The following NUP35 variants were observed in gnomAD, a reference collection of about 807,000 sequenced individuals.
The protein encoded by NUP35 is nucleoporin 35, also known as nucleoporin NUP35.
Under a neutral mutation model 41.5 loss-of-function variants are expected in NUP35, and 25 were observed. That is an observed-to-expected ratio of 0.60 (90% confidence interval 0.44 to 0.84). The LOEUF (loss-of-function observed/expected upper bound fraction) is 0.84. Ranked by LOEUF, NUP35 falls within the 40% of genes least tolerant of loss-of-function variation. The pLI is 0.00. For missense variants in NUP35, 396 were observed against 396.6 expected, an observed-to-expected ratio of 1.00 and a Z score of 0.01; for synonymous variants, 149 against 130.7, an observed-to-expected ratio of 1.14 and a Z score of -0.96.
chr2:183,119,885 C>T (rs989346856), upstream of NUP35: 1 of 152,102 alleles, frequency 6.6e-6, no homozygotes, highest in African/African-American at 2.4e-5. Flanking sequence ...TCAGTTACCC[C>T]AGGGTGAAAG....
At chr2:183,145,345 A>G (rs1252944977) in intron 4 of NUP35, among the ~76,000 whole-genome samples, 2 of 152,240 alleles carry the variant, frequency 1.3e-5, no homozygotes, top group African/African-American at 2.4e-5. Context: ...TTTGCATTAT[A>G]CTTATCAGTT....
At chr2:183,138,467 C>T (rs1684971883) in intron 4 of NUP35, among the ~76,000 whole-genome samples, 1 of 151,534 alleles carries the variant, frequency 6.6e-6, no homozygotes, top group South Asian at 2.1e-4. Context: ...TGTAAACATT[C>T]TGTAACTGAT....
At chr2:183,123,273 G>A (rs1229267396), upstream of NUP35, among the ~76,000 whole-genome samples, 4 of 152,256 alleles carry the variant, frequency 2.6e-5, no homozygotes, top group East Asian at 1.9e-4. Flanking sequence ...TTAGTTAACC[G>A]AGCTTGTGGT....
At chr2:183,138,267 A>ATTTTT (rs1314190972) in intron 4 of NUP35, among the ~76,000 whole-genome samples, 1,333 of 73,832 alleles carry the variant, frequency 0.018, 9 homozygotes, top group Non-Finnish European at 0.025. Flanking sequence ...ATATATATAT[A>ATTTTT]TATTTTTTTT....
chr2:183,161,175 AG>A lies in NUP35; in HGVS notation c.*45del, dbSNP rs1332430349. The A allele has an allele frequency of 7.0e-7, 1 of 1,436,274 alleles. No individual in the cohort carries two copies. The highest frequency in any genetic ancestry group is 9.8e-7 in the Non-Finnish European group (1 of 1,022,452). The allele number at this position is 1,436,274 out of a possible 1,614,324, so 89.0% of individuals were successfully genotyped here. On this transcript the variant is annotated 3_prime_UTR_variant, in exon 9 of 9. Coordinates refer to ENST00000295119, the MANE Select transcript of NUP35 (RefSeq NM_138285.5). ...GTTGCTACACTAAAACAGAGTTAGC[AG>A]AGTGCTGCTGGTTCCTTCGGTTAGT...
chr2:183,123,870 G>A, upstream of NUP35: 2 of 938,010 alleles, frequency 2.1e-6, no homozygotes, highest in Non-Finnish European at 2.5e-6. Flanking sequence ...TACTTTATGC[G>A]TTCGTTAGCT....
intron 4 of NUP35, among the ~76,000 whole-genome samples, chr2:183,149,674 T>A (rs565286016): frequency 3.9e-5 from 6 of 152,158 alleles, no homozygotes; most frequent in African/African-American, 1.4e-4. Flanking sequence ...CAGACCACAC[T>A]TGTAGTACTG....
intron 4 of NUP35, among the ~76,000 whole-genome samples, chr2:183,150,644 A>G (rs919879041): frequency 2.6e-5 from 4 of 152,096 alleles, no homozygotes; most frequent in African/African-American, 9.7e-5. Context: ...TTTGTAGCAC[A>G]TTAAGTATTT....
chr2:183,146,110 C>T (rs1685267510), intron 4 of NUP35, among the ~76,000 whole-genome samples: 1 of 152,130 alleles, frequency 6.6e-6, no homozygotes, highest in South Asian at 2.1e-4. Flanking sequence ...GTGGCACACA[C>T]CTGTAATCCC....
At chr2:183,155,579 CTT>C (rs11393018) in intron 5 of NUP35, among the ~76,000 whole-genome samples, 3 of 139,796 alleles carry the variant, frequency 2.1e-5, no homozygotes, top group Non-Finnish European at 4.6e-5. Context: ...CATAAAATGG[CTT>C]TTTTTTTTTT....
intron 3 of NUP35, among the ~76,000 whole-genome samples, chr2:183,132,424 G>C (rs1387722275): frequency 6.6e-6 from 1 of 151,844 alleles, no homozygotes; most frequent in Non-Finnish European, 1.5e-5. Context: ...TAGATGTGGT[G>C]GTGTGTACCT....
intron 5 of NUP35, among the ~76,000 whole-genome samples, chr2:183,154,033 C>T (rs541607195): frequency 6.6e-6 from 1 of 152,020 alleles, no homozygotes; most frequent in South Asian, 2.1e-4. Flanking sequence ...TTGGGGCTTC[C>T]ACTCTCTGAA....
At chr2:183,118,943 A>G (rs1248633230) in intron 1 of NUP35, 1 of 152,136 alleles carries the variant, frequency 6.6e-6, no homozygotes, top group Admixed American at 6.6e-5. Context: ...TTTGGAGGTA[A>G]GCATGCGCAA....
At chr2:183,124,881 T>A (rs1360762860) in intron 1 of NUP35, among the ~76,000 whole-genome samples, 2 of 152,226 alleles carry the variant, frequency 1.3e-5, no homozygotes, top group Non-Finnish European at 2.9e-5. Flanking sequence ...TGGGAGGAAC[T>A]GACCGCGGTA....
chr2:183,131,915 A>G (rs2105551407), intron 3 of NUP35, among the ~76,000 whole-genome samples: 1 of 152,286 alleles, frequency 6.6e-6, no homozygotes. Context: ...TGATAAGTAA[A>G]GCTTATGATT....
intron 4 of NUP35, among the ~76,000 whole-genome samples, chr2:183,146,267 T>C (rs1685274270): frequency 6.6e-6 from 1 of 152,208 alleles, no homozygotes; most frequent in African/African-American, 2.4e-5. Context: ...ATCTTACTTC[T>C]TTAGGGTTGC....
intron 5 of NUP35, 112 bp downstream of exon 5, chr2:183,151,761 C>T (rs1685475881): frequency 1.1e-6 from 1 of 917,088 alleles, no homozygotes; most frequent in African/African-American, 1.7e-5. Context: ...ACCCATATTA[C>T]TACCACCTAG....
In NUP35 at chr2:183,152,146, CACACACA is replaced by C. The variant is rs1186779107; in HGVS notation, c.539+498_539+504del. On this transcript the variant is annotated intron_variant, in intron 5 of 8. Coordinates refer to ENST00000295119, the MANE Select transcript of NUP35 (RefSeq NM_138285.5). ...ACACACACACACACACACACACACA[CACACACA>C]CAATGTCACAGGGTTGATACTTTCT... is the stretch of plus-strand genomic sequence containing the variant. Among the ~76,000 whole-genome samples, 23 of 139,334 alleles carry C rather than the reference CACACACA, an allele frequency of 1.7e-4. 1 individual carries two copies. Among genetic ancestry groups the C allele is most frequent in the African/African-American group, 6.3e-4 (22 of 34,966 alleles). 91.4% of individuals were successfully genotyped at this position (139,334 alleles called of 152,430 possible).
At chr2:183,138,984 C>T (rs139459252) in intron 4 of NUP35, among the ~76,000 whole-genome samples, 27 of 152,172 alleles carry the variant, frequency 1.8e-4, no homozygotes, top group Non-Finnish European at 3.1e-4. Context: ...CTCTGTTTGG[C>T]TCTCATCTGT....
Sources: gnomAD v4.1 joint callset for allele counts (sites outside exome capture counted in the v4.1 genomes callset) on GRCh38, gnomAD v4.1.1 for gene constraint, MANE v1.5 for transcripts, NCBI Gene and HGNC (gene_info 2026-07-23, HGNC 2026-07-21) for gene names.